Variants in DBNDD1 observed in about 807,000 individuals in gnomAD.
DBNDD1 encodes the protein dysbindin domain-containing protein 1.
In DBNDD1, 14 loss-of-function variants were observed where a neutral mutation model predicts 17.0. That is an observed-to-expected ratio of 0.82 (90% confidence interval 0.54 to 1.29). The LOEUF (loss-of-function observed/expected upper bound fraction) is 1.29, where lower values mean the gene tolerates loss of function less well. Ranked by LOEUF, DBNDD1 falls within the 50% of genes most tolerant of loss-of-function variation. DBNDD1 has a pLI of 0.00. For missense variants in DBNDD1, 221 were observed against 216.2 expected (o/e 1.02, Z -0.14); for synonymous variants, 105 against 102.0 (o/e 1.03, Z -0.18).
chr16:90,019,452 G>T lies in DBNDD1; in HGVS notation c.-111C>A. On this transcript the variant is annotated 5_prime_UTR_variant, in exon 1 of 4. Coordinates refer to ENST00000002501, the MANE Select transcript of DBNDD1 (RefSeq NM_001042610.3). The surrounding 1 kb of genome is among the most constrained non-coding windows in gnomAD (Gnocchi z 6.1). ...CCGGCTCCGGGCGCAGCGCATCGGG[G>T]CAGCAACCGGGGGGCCGCGGCGGCA... is the stretch of plus-strand genomic sequence containing the variant. The T allele has an allele frequency of 2.0e-6, 1 of 509,692 alleles. No individual in the cohort carries two copies. Among genetic ancestry groups the T allele is most frequent in the South Asian group, 8.9e-5 (1 of 11,240 alleles). 31.6% of individuals were successfully genotyped at this position (509,692 alleles called of 1,614,324 possible).
intron 1 of DBNDD1, chr16:90,010,228 T>A (rs946390637): frequency 2.0e-4 from 112 of 549,756 alleles, no homozygotes; most frequent in Non-Finnish European, 3.3e-4. Context: ...GTATTTTTAG[T>A]AGAGACGGGG....
At chr16:90,011,799 CAG>C (rs1039271135) in intron 1 of DBNDD1, 14 of 390,236 alleles carry the variant, frequency 3.6e-5, no homozygotes, top group East Asian at 1.5e-4. Flanking sequence ...GCACAGGGGA[CAG>C]GGGGTGAGAT....
chr16:90,017,095 C>T (rs1447808853), intron 1 of DBNDD1, among the ~76,000 whole-genome samples: 10 of 152,244 alleles, frequency 6.6e-5, no homozygotes. Flanking sequence ...AGAGAGGGCA[C>T]AGGTCACATT....
intron 1 of DBNDD1, among the ~76,000 whole-genome samples, chr16:90,016,761 C>T (rs1253658823): frequency 6.6e-6 from 1 of 152,202 alleles, no homozygotes; most frequent in Non-Finnish European, 1.5e-5. Flanking sequence ...AAATCCTGTT[C>T]CCTGTTGTGT....
At chr16:90,011,690 C>T (rs1242176632) in intron 1 of DBNDD1, 1 of 455,234 alleles carries the variant, frequency 2.2e-6, no homozygotes, top group Non-Finnish European at 4.4e-6. Flanking sequence ...CACCTTTCCA[C>T]TGGCATCTGG....
Position 90,019,376 on chromosome 16 carries a change from G to A in DBNDD1, c.-35C>T. On this transcript the variant is annotated 5_prime_UTR_variant, in exon 1 of 4. Coordinates refer to ENST00000002501, the MANE Select transcript of DBNDD1 (RefSeq NM_001042610.3). The surrounding 1 kb of genome is among the most constrained non-coding windows in gnomAD (Gnocchi z 6.1). ...GCGGTCTGGGAGGGGCACGGGCGAC[G>A]GCGGCGTCGCCTGGCCCGGGCGCCC... The A allele has an allele frequency of 8.3e-7, 1 of 1,204,892 alleles. No individual in the cohort carries two copies. Among genetic ancestry groups the A allele is most frequent in the Non-Finnish European group, 1.0e-6 (1 of 969,594 alleles). The allele number at this position is 1,204,892 out of a possible 1,614,324, so 74.6% of individuals were successfully genotyped here.
chr16:90,015,618 T>A (rs1488951269), intron 1 of DBNDD1, among the ~76,000 whole-genome samples: 3 of 152,170 alleles, frequency 2.0e-5, no homozygotes, highest in Non-Finnish European at 4.4e-5. Flanking sequence ...ATGTCCTCAG[T>A]GGATCAATGG....
intron 1 of DBNDD1, among the ~76,000 whole-genome samples, chr16:90,015,164 T>C (rs147425852): frequency 1.3e-5 from 2 of 152,312 alleles, no homozygotes; most frequent in Non-Finnish European, 2.9e-5. Context: ...TGGCCTGGTC[T>C]TTATTCTGTA....
chr16:90,012,301 G>C (rs117991583), intron 1 of DBNDD1, among the ~76,000 whole-genome samples: 6 of 152,190 alleles, frequency 3.9e-5, no homozygotes, highest in Admixed American at 3.9e-4. Flanking sequence ...CCCCAGCTGA[G>C]GAAGGCTACA....
chr16:90,013,589 T>C (rs2035592080), intron 1 of DBNDD1, among the ~76,000 whole-genome samples: 1 of 152,136 alleles, frequency 6.6e-6, no homozygotes, highest in Admixed American at 6.5e-5. Context: ...ACTTGCTGGC[T>C]TAGGTTCCCT....
intron 1 of DBNDD1, among the ~76,000 whole-genome samples, chr16:90,013,262 T>TAAAAAAAAAAAAACAAAAAAAAAAAAAAA (rs2035586868): frequency 2.0e-5 from 1 of 49,182 alleles, no homozygotes; most frequent in African/African-American, 7.0e-5. Flanking sequence ...AACCTTGCCT[T>TAAAAAAAAAAAAACAAAAAAAAAAAAAAA]AAAAAAAAAA....
intron 1 of DBNDD1, chr16:90,010,207 G>A (rs2035527156): frequency 8.2e-6 from 5 of 607,368 alleles, no homozygotes; most frequent in East Asian, 6.3e-5. Context: ...CAGCACGCCC[G>A]GCTAATTTTT....
chr16:90,017,422 G>A (rs1169642131), intron 1 of DBNDD1, among the ~76,000 whole-genome samples: 1 of 152,142 alleles, frequency 6.6e-6, no homozygotes, highest in African/African-American at 2.4e-5. Context: ...GTGAACCCGG[G>A]AGGTGGAGGT....
Position 90,019,385 on chromosome 16 carries a change from G to T in DBNDD1, c.-44C>A, listed in dbSNP as rs2035726158. ...GAGGGGCACGGGCGACGGCGGCGTCGCCTGGCCCGGGCGCCCCAACAGCTG... is the reference window on the plus strand; with the variant it reads ...GAGGGGCACGGGCGACGGCGGCGTCTCCTGGCCCGGGCGCCCCAACAGCTG... On this transcript the variant is annotated 5_prime_UTR_variant, in exon 1 of 4. Coordinates refer to ENST00000002501, the MANE Select transcript of DBNDD1 (RefSeq NM_001042610.3). The surrounding 1 kb of genome is among the most constrained non-coding windows in gnomAD (Gnocchi z 6.1). 7 of 1,183,090 alleles carry T rather than the reference G, an allele frequency of 5.9e-6. No individual in the cohort carries two copies. The highest frequency in any genetic ancestry group is 7.3e-6 in the Non-Finnish European group (7 of 954,156). 73.3% of individuals were successfully genotyped at this position (1,183,090 alleles called of 1,614,324 possible). A position where few individuals can be genotyped will look rare whatever the true frequency, so the allele number is the denominator to read the frequency against.
At chr16:90,018,664 A>C (rs1022202367) in intron 1 of DBNDD1, among the ~76,000 whole-genome samples, 3 of 152,192 alleles carry the variant, frequency 2.0e-5, no homozygotes, top group Non-Finnish European at 2.9e-5. Flanking sequence ...ACCGACTCCA[A>C]GGTCCTGCAG....
rs1423534245 is a variant in DBNDD1, at chr16:90,006,406, G to C, written c.406C>G (p.Leu136Val). Residue 136 changes from leucine (L) to valine (V), a missense_variant, in exon 4 of 4, where the codon CTA becomes GTA. Coordinates refer to ENST00000002501, the MANE Select transcript of DBNDD1 (RefSeq NM_001042610.3). ...GTGGCCTGCCGCTCGGGGTCGCCTA[G>C]GGGCTGCTTCTCGTGGCTCTGCTCA... is the stretch of plus-strand genomic sequence containing the variant. Reference protein sequence around the residue: ...RAEQSHEKQPLGDPERQATVL... With the variant: ...RAEQSHEKQPVGDPERQATVL... 2.5e-6 allele frequency: 4 copies of C among 1,606,108 alleles called. No individual in the cohort carries two copies. In the South Asian group the frequency reaches 4.4e-5, roughly 18 times the overall value.
intron 1 of DBNDD1, chr16:90,011,586 C>G (rs1174783415): frequency 4.5e-6 from 2 of 446,058 alleles, no homozygotes; most frequent in Non-Finnish European, 9.1e-6. Context: ...CCACCTGCCT[C>G]CTGTCTGAGA....
intron 1 of DBNDD1, among the ~76,000 whole-genome samples, chr16:90,014,959 C>T (rs1006046692): frequency 6.7e-6 from 1 of 149,190 alleles, no homozygotes; most frequent in Non-Finnish European, 1.5e-5. Flanking sequence ...GAGCAGAGAT[C>T]ATGCCACTGC....
rs915380924 is a variant in DBNDD1 at position 90,004,873 on chromosome 16, C to T, written c.*1462G>A. On this transcript the variant is annotated 3_prime_UTR_variant, in exon 4 of 4. Transcript: ENST00000002501. ...AAGGAAGAGACTGTGGCCAGGCCTT[C>T]GAATGCGCAGTGATGCTTTAATCCC... 7 of 152,830 alleles carry T rather than the reference C, an allele frequency of 4.6e-5. No homozygotes were observed. In the East Asian group the frequency reaches 5.8e-4, roughly 13 times the overall value. The allele number at this position is 152,830 out of a possible 1,614,324, so 9.5% of individuals were successfully genotyped here.
Sources: gnomAD v4.1 joint callset for allele counts (sites outside exome capture counted in the v4.1 genomes callset) on GRCh38, gnomAD v4.1.1 for gene constraint, Gnocchi (gnomAD v3.1) non-coding constraint, MANE v1.5 for transcripts, NCBI Gene and HGNC (gene_info 2026-07-23, HGNC 2026-07-21) for gene names.